Variants in ENOX2 observed in about 807,000 individuals in gnomAD.
ENOX2 encodes the protein APK1 antigen.
ENOX2 carries 36 observed loss-of-function variants against 45.0 expected under a neutral mutation model. That is an observed-to-expected ratio of 0.80 (90% CI 0.61 to 1.06). The LOEUF is 1.06. ENOX2 is among the 50% of genes least tolerant of loss of function. The pLI, the probability that ENOX2 is intolerant of heterozygous loss-of-function variation, is 0.00. For missense variants in ENOX2, 423 were observed against 462.5 expected, an observed-to-expected ratio of 0.91 and a Z score of 0.78; for synonymous variants, 174 against 152.3, an observed-to-expected ratio of 1.14 and a Z score of -1.05.
In ENOX2 at chrX:130,625,392, C is replaced by G. The variant is rs1272552212; in HGVS notation, c.1668G>C (p.Lys556Asn). The G allele has an allele frequency of 1.2e-5, 14 of 1,208,640 alleles. No individual in the cohort carries two copies. The highest frequency in any genetic ancestry group is 1.3e-5 in the Non-Finnish European group (12 of 894,002). Residue 556 changes from lysine to asparagine, a missense_variant, in exon 15 of 15, where the codon AAG becomes AAC. By Grantham distance (94) the Lys-to-Asn change is moderately conservative. Transcript: ENST00000394363. ...TGGCTCCAACTCCAGTCATTTCCTG[C>G]TTGAAGGTATGCTGGAGTCTACCCA... The part of the protein sequence containing the change: ...CLMGRLQHTF[K>N]QEMTGVGASL...
At chrX:130,783,863 A>G (rs1163081693) in intron 2 of ENOX2, among the ~76,000 whole-genome samples, 173 bp from the exon 3 acceptor site, 1 of 112,097 alleles carries the variant, frequency 8.9e-6, no homozygotes, top group Admixed American at 9.5e-5. Context: ...TCTTTTCGGT[A>G]AGTACAAAAT....
At chrX:130,837,184 T>G (rs2077943032) in intron 2 of ENOX2, among the ~76,000 whole-genome samples, 1 of 112,464 alleles carries the variant, frequency 8.9e-6, no homozygotes, top group South Asian at 3.7e-4. Flanking sequence ...CAATTTTCAT[T>G]AATGGATTTC....
At chrX:130,718,393 A>C (rs770694951) in intron 3 of ENOX2, among the ~76,000 whole-genome samples, 35 of 111,599 alleles carry the variant, frequency 3.1e-4, no homozygotes, top group African/African-American at 1.0e-3. Context: ...CTGGAGCCAG[A>C]AGACCATGCT....
At chrX:130,784,645 C>A (rs1423698427) in intron 2 of ENOX2, among the ~76,000 whole-genome samples, 1 of 101,213 alleles carries the variant, frequency 9.9e-6, no homozygotes, top group Non-Finnish European at 2.0e-5. Flanking sequence ...TGGAGTGCAG[C>A]AGCATGATCT....
At chrX:130,636,620 G>A (rs912466122) in intron 11 of ENOX2, among the ~76,000 whole-genome samples, 4 of 112,721 alleles carry the variant, frequency 3.5e-5, no homozygotes, top group Non-Finnish European at 7.5e-5. Context: ...TATGTTGTCT[G>A]TGAATGCAAT....
intron 2 of ENOX2, among the ~76,000 whole-genome samples, chrX:130,876,841 TTA>T (rs2078712896): frequency 9.0e-6 from 1 of 111,578 alleles, no homozygotes; most frequent in Admixed American, 9.5e-5. Context: ...TTTGGCTTAT[TTA>T]TGCAAACATT....
At chrX:130,820,705 G>A (rs2077580418) in intron 2 of ENOX2, among the ~76,000 whole-genome samples, 1 of 112,507 alleles carries the variant, frequency 8.9e-6, no homozygotes, top group Non-Finnish European at 1.9e-5. Flanking sequence ...AAATAAGCCA[G>A]GCACAGAAAG....
chrX:130,631,796 C>T (rs957726667), intron 12 of ENOX2, among the ~76,000 whole-genome samples: 21 of 109,699 alleles, frequency 1.9e-4, no homozygotes, highest in Non-Finnish European at 5.7e-5. Flanking sequence ...TAAACATTTA[C>T]CTTCACCAGT....
intron 2 of ENOX2, among the ~76,000 whole-genome samples, chrX:130,826,039 C>T (rs1217780151): frequency 2.7e-5 from 3 of 110,997 alleles, no homozygotes; most frequent in Non-Finnish European, 5.7e-5. Flanking sequence ...TCAGTACCAT[C>T]CATGGTTTTA....
At chrX:130,800,656 T>C (rs2077202021) in intron 2 of ENOX2, among the ~76,000 whole-genome samples, 1 of 112,292 alleles carries the variant, frequency 8.9e-6, no homozygotes, top group Non-Finnish European at 1.9e-5. Context: ...TGGTGACACA[T>C]TTACAACCTC....
chrX:130,812,872 G>T (rs2077414607), intron 2 of ENOX2, among the ~76,000 whole-genome samples: 1 of 111,406 alleles, frequency 9.0e-6, no homozygotes, highest in African/African-American at 3.3e-5. Flanking sequence ...AACAAAGTTA[G>T]GGGCAGCACA....
At chrX:130,844,713 A>T (rs2148507766) in intron 2 of ENOX2, among the ~76,000 whole-genome samples, 1 of 112,123 alleles carries the variant, frequency 8.9e-6, no homozygotes, top group East Asian at 2.8e-4. Context: ...AGGAAGGGAG[A>T]TATGTTATTT....
At chrX:130,716,117 G>A (rs1281277980) in intron 3 of ENOX2, among the ~76,000 whole-genome samples, 1 of 111,313 alleles carries the variant, frequency 9.0e-6, no homozygotes, top group African/African-American at 3.3e-5. Context: ...AGTAATTATG[G>A]TTTTGTGATT....
intron 5 of ENOX2, among the ~76,000 whole-genome samples, chrX:130,681,781 G>A (rs2037307785): frequency 8.9e-6 from 1 of 111,801 alleles, no homozygotes; most frequent in Non-Finnish European, 1.9e-5. Flanking sequence ...AGTCATTGTA[G>A]CGTTATTATT....
chrX:130,787,789 T>C lies in ENOX2; in HGVS notation c.-182-4099A>G, dbSNP rs193105340. Among the ~76,000 whole-genome samples the C allele has an allele frequency of 4.0e-3, 444 of 112,081 alleles. 2 individuals carry two copies. Among genetic ancestry groups the C allele is most frequent in the African/African-American group, 0.014 (421 of 30,851 alleles). On this transcript the variant is annotated intron_variant, in intron 2 of 14. Transcript: ENST00000394363. ...ATCCACCTCATATATGATCCAGATA[T>C]GTGAAAATCATGACAATTCAGTACA...
intron 3 of ENOX2, among the ~76,000 whole-genome samples, chrX:130,706,366 G>A (rs1811550847): frequency 8.9e-6 from 1 of 111,962 alleles, no homozygotes; most frequent in African/African-American, 3.2e-5. Flanking sequence ...GTTGTGGGGT[G>A]GAGGAGGAAT....
chrX:130,821,742 T>TAAAAAAAA lies in ENOX2; in HGVS notation c.-182-38060_-182-38053dup. On this transcript the variant is annotated intron_variant, in intron 2 of 14. Transcript: ENST00000394363. Reference sequence around the variant, plus strand: ...AATAAATAAAAATAAATAAATAAATTAAAAAAAAAAAAAAAAAAAAAAAAA... The same window carrying TAAAAAAAA: ...AATAAATAAAAATAAATAAATAAATTAAAAAAAAAAAAAAAAAAAAAAAAAAAAAAAAA... 1.9e-3 allele frequency among the ~76,000 whole-genome samples: 45 copies of TAAAAAAAA among 23,150 alleles called. 1 individual carries two copies. Among genetic ancestry groups the TAAAAAAAA allele is most frequent in the African/African-American group, 2.4e-3 (13 of 5,418 alleles). The allele number at this position is 23,150 out of a possible 115,157, so 20.1% of individuals were successfully genotyped here. A position where few individuals can be genotyped will look rare whatever the true frequency, so the allele number is the denominator to read the frequency against.
In ENOX2 at chrX:130,679,636, A is replaced by G; in HGVS notation, c.366T>C (p.Cys122=). 1.7e-6 allele frequency: 2 copies of G among 1,210,253 alleles called. No individual in the cohort carries two copies. The highest frequency in any genetic ancestry group is 1.1e-6 in the Non-Finnish European group (1 of 894,274). Residue 122 remains cysteine (C), a synonymous_variant, in exon 6 of 15, where the codon TGT becomes TGC. Coordinates refer to ENST00000394363, the MANE Select transcript of ENOX2 (RefSeq NM_006375.4). ...EQIIVEVFEQ[C]GEIIAIRKSK... ...TCTTGCGAATGGCAATGATCTCTCC[A>G]CACTGCTCGAAAACTTCCACAATGA...
At chrX:130,819,452 T>C (rs1298843675) in intron 2 of ENOX2, among the ~76,000 whole-genome samples, 1 of 111,996 alleles carries the variant, frequency 8.9e-6, no homozygotes, top group South Asian at 3.8e-4. Flanking sequence ...CTATTGACAA[T>C]AGCAAAGACT....
Sources: allele counts gnomAD v4.1 joint callset (sites outside exome capture counted in the v4.1 genomes callset), GRCh38; gene constraint gnomAD v4.1.1; transcripts MANE v1.5; gene names NCBI Gene and HGNC (gene_info 2026-07-23, HGNC 2026-07-21).